Variants in MTCL1 observed in about 807,000 individuals in gnomAD.
MTCL1 encodes the protein microtubule cross-linking factor 1.
MTCL1 carries 79 observed loss-of-function variants against 141.4 expected under a neutral mutation model. The observed-to-expected ratio is 0.56, with a 90% CI of 0.47 to 0.67. The LOEUF is 0.67. Ranked by LOEUF, MTCL1 falls within the 30% of genes least tolerant of loss-of-function variation. MTCL1 has a pLI of 0.00. For missense variants in MTCL1, 2,177 were observed against 2,113.9 expected (o/e 1.03, Z -0.59); for synonymous variants, 914 against 875.8 (o/e 1.04, Z -0.77).
At chr18:8,770,258 G>T (rs895622819) in intron 4 of MTCL1, among the ~76,000 whole-genome samples, 4 of 152,210 alleles carry the variant, frequency 2.6e-5, no homozygotes, top group Non-Finnish European at 5.9e-5. Context: ...TTACTCAGTG[G>T]TAATAACATA....
upstream of MTCL1, among the ~76,000 whole-genome samples, chr18:8,714,118 G>A (rs142787313): frequency 6.6e-6 from 1 of 152,292 alleles, no homozygotes; most frequent in Non-Finnish European, 1.5e-5. Context: ...TTGAAGGTCT[G>A]TTATTGTTTC....
At chr18:8,719,993 G>T (rs911761625) in intron 3 of MTCL1, 16 of 195,402 alleles carry the variant, frequency 8.2e-5, no homozygotes, top group Non-Finnish European at 1.2e-4. Flanking sequence ...TGTGAGGGAG[G>T]AGGGTTATCC....
Position 8,750,602 on chromosome 18 carries a change from A to G in MTCL1, c.358-27231A>G, listed in dbSNP as rs923143883. On this transcript the variant is annotated intron_variant, in intron 4 of 16. Coordinates refer to ENST00000359865, the Ensembl canonical transcript of MTCL1. ...ATGGAGGGCAGGGAGGAGGTGTTGA[A>G]TGCTACCAGTTCTTCCTTGGGGTTA... 7.9e-5 allele frequency among the ~76,000 whole-genome samples: 12 copies of G among 152,290 alleles called. No homozygotes were observed. The East Asian group carries it at 2.3e-3, about 29-fold the overall frequency.
At chr18:8,778,699 C>T (rs1186256715) in intron 5 of MTCL1, among the ~76,000 whole-genome samples, 1 of 152,210 alleles carries the variant, frequency 6.6e-6, no homozygotes, top group African/African-American at 2.4e-5. Flanking sequence ...TCAACTGTTC[C>T]CTTCCACCCT....
chr18:8,747,917 C>T (rs1405826087), intron 4 of MTCL1, among the ~76,000 whole-genome samples: 1 of 152,166 alleles, frequency 6.6e-6, no homozygotes, highest in East Asian at 1.9e-4. Context: ...CTCATTGTGT[C>T]CTCCTTGTGT....
At chr18:8,786,176 C>T (rs1046020017) in intron 7 of MTCL1, 85 bp downstream of exon 6, 12 of 1,426,042 alleles carry the variant, frequency 8.4e-6, no homozygotes, top group East Asian at 5.1e-5. Context: ...CTGTCCCGGA[C>T]GAGGCCCTGA....
At chr18:8,734,378 A>G (rs1365465070) in intron 4 of MTCL1, among the ~76,000 whole-genome samples, 1 of 152,144 alleles carries the variant, frequency 6.6e-6, no homozygotes, top group Non-Finnish European at 1.5e-5. Flanking sequence ...GGTTTGTTCT[A>G]GCACCTTAGG....
exon 7 of MTCL1, chr18:8,785,991 G>T (rs550236755): frequency 6.2e-7 from 1 of 1,607,368 alleles, no homozygotes; most frequent in East Asian, 2.2e-5. Context: ...GGGGACGAGC[G>T]GGAGAGCCTG....
In MTCL1 at chr18:8,785,579, G is replaced by A. The variant is rs187964313; in HGVS notation, c.1732-357G>A. ...TAAGGAAGGAAGAGCCTCGTTTTCC[G>A]TTTCCTTCACGGGTAGCGTGCTTGC... On this transcript the variant is annotated intron_variant, in intron 6 of 16. Coordinates refer to ENST00000359865, the Ensembl canonical transcript of MTCL1. 126 of 248,560 alleles carry A rather than the reference G, an allele frequency of 5.1e-4. 1 individual carries two copies. The highest frequency in any genetic ancestry group is 3.0e-3 in the Middle Eastern group (2 of 662). 15.4% of individuals were successfully genotyped at this position (248,560 alleles called of 1,614,324 possible).
chr18:8,804,676 A>G (rs2076232082), intron 10 of MTCL1, among the ~76,000 whole-genome samples: 1 of 152,158 alleles, frequency 6.6e-6, no homozygotes, highest in Non-Finnish European at 1.5e-5. Context: ...ATAAATATGA[A>G]CAAACTGGCC....
chr18:8,832,003 CTTAA>C, exon 17 of MTCL1: 2 of 669,074 alleles, frequency 3.0e-6, no homozygotes, highest in East Asian at 5.6e-5. Flanking sequence ...CCTGTAATAA[CTTAA>C]TTTTTTTCAT....
At chr18:8,740,399 C>T (rs2096296310) in intron 4 of MTCL1, among the ~76,000 whole-genome samples, 1 of 152,178 alleles carries the variant, frequency 6.6e-6, no homozygotes, top group Non-Finnish European at 1.5e-5. Flanking sequence ...CCCTGTGAGG[C>T]AGGTGGATTA....
intron 11 of MTCL1, among the ~76,000 whole-genome samples, chr18:8,807,591 C>A (rs1305144254): frequency 6.6e-6 from 1 of 152,202 alleles, no homozygotes; most frequent in Non-Finnish European, 1.5e-5. Flanking sequence ...GATCACAGAG[C>A]CATGTAGTGC....
rs138965127 is a variant in MTCL1, at chr18:8,747,594, G to A, written c.357+27098G>A. Among the ~76,000 whole-genome samples, 500 of 152,296 alleles carry A rather than the reference G, an allele frequency of 3.3e-3. 1 individual carries two copies. Among genetic ancestry groups the A allele is most frequent in the African/African-American group, 0.011 (471 of 41,548 alleles). ...TAAGGACACCAGTCATCTTGGATCCGGCCCATGCAGTCTAGTAGGTCCTCC... is the reference window on the plus strand; with the variant it reads ...TAAGGACACCAGTCATCTTGGATCCAGCCCATGCAGTCTAGTAGGTCCTCC... On this transcript the variant is annotated intron_variant, in intron 4 of 16. Coordinates refer to ENST00000359865, the Ensembl canonical transcript of MTCL1.
chr18:8,831,500 T>C, intron 16 of MTCL1, 107 bp from the exon 15 acceptor site: 1 of 1,481,820 alleles, frequency 6.7e-7, no homozygotes, highest in Admixed American at 2.3e-5. Context: ...TTGCCTGTGG[T>C]GTATACTTCA....
At chr18:8,743,631 CCT>C (rs2096317638) in intron 4 of MTCL1, among the ~76,000 whole-genome samples, 2 of 152,232 alleles carry the variant, frequency 1.3e-5, no homozygotes, top group African/African-American at 4.8e-5. Flanking sequence ...TGGCTCATGC[CCT>C]CTTTCTTCAT....
chr18:8,804,646 T>A (rs888799849), intron 10 of MTCL1, among the ~76,000 whole-genome samples: 1 of 152,136 alleles, frequency 6.6e-6, no homozygotes, highest in African/African-American at 2.4e-5. Flanking sequence ...TAAAAATTGT[T>A]CCCTGTGAGA....
intron 4 of MTCL1, among the ~76,000 whole-genome samples, chr18:8,738,777 T>C (rs377285783): frequency 6.2e-4 from 94 of 152,340 alleles, no homozygotes; most frequent in Middle Eastern, 3.4e-3. Context: ...ACTTCCACTC[T>C]GCAGCATCTA....
chr18:8,723,417 T>C (rs190609385), intron 4 of MTCL1, among the ~76,000 whole-genome samples: 145 of 152,340 alleles, frequency 9.5e-4, no homozygotes, highest in Non-Finnish European at 1.6e-3. Context: ...TGGAGTTTTG[T>C]AAATGGATGT....
Sources: gnomAD v4.1 joint callset for allele counts (sites outside exome capture counted in the v4.1 genomes callset) on GRCh38, gnomAD v4.1.1 for gene constraint, MANE v1.5 for transcripts, NCBI Gene and HGNC (gene_info 2026-07-23, HGNC 2026-07-21) for gene names.